CDH13: variants seen among roughly 807,000 people sequenced by gnomAD.
CDH13 encodes cadherin-13.
Under a neutral mutation model 63.8 loss-of-function variants are expected in CDH13, and 24 were observed. That is an observed-to-expected ratio of 0.38 (90% confidence interval 0.27 to 0.53). The LOEUF is 0.53. Ranked by LOEUF, CDH13 falls within the 20% of genes least tolerant of loss-of-function variation. The pLI is 0.85. For missense variants in CDH13, 1,049 were observed against 903.1 expected, an observed-to-expected ratio of 1.16 and a Z score of -2.07; for synonymous variants, 503 against 355.3, an observed-to-expected ratio of 1.42 and a Z score of -4.67.
chr16:82,641,708 G>A (rs1187404969), intron 1 of CDH13, among the ~76,000 whole-genome samples: 1 of 152,198 alleles, frequency 6.6e-6, no homozygotes. Flanking sequence ...CCTCATTCAC[G>A]CATTCAGTCA....
chr16:83,012,055 C>T (rs1265566203), intron 2 of CDH13, among the ~76,000 whole-genome samples: 1 of 152,092 alleles, frequency 6.6e-6, no homozygotes, highest in East Asian at 1.9e-4. Context: ...GTCTGTGTTA[C>T]CCAGGACCAT....
intron 5 of CDH13, among the ~76,000 whole-genome samples, chr16:83,306,979 A>G (rs2089895696): frequency 6.6e-6 from 1 of 152,206 alleles, no homozygotes; most frequent in Non-Finnish European, 1.5e-5. Flanking sequence ...GAGCCTCTAG[A>G]TAGTAATGCA....
At chr16:83,577,859 A>G (rs932066951) in intron 7 of CDH13, among the ~76,000 whole-genome samples, 18 of 152,254 alleles carry the variant, frequency 1.2e-4, no homozygotes, top group African/African-American at 4.1e-4. Flanking sequence ...TGAACATTGC[A>G]TAACTACATC....
At chr16:83,596,662 C>A (rs1320292968) in intron 7 of CDH13, among the ~76,000 whole-genome samples, 1 of 152,050 alleles carries the variant, frequency 6.6e-6, no homozygotes, top group African/African-American at 2.4e-5. Context: ...TAGGGGGTGA[C>A]TTTCTGGAAA....
At chr16:82,838,692 G>C (rs1210514546) in intron 1 of CDH13, among the ~76,000 whole-genome samples, 1 of 152,168 alleles carries the variant, frequency 6.6e-6, no homozygotes, top group East Asian at 1.9e-4. Flanking sequence ...TATACTCAAA[G>C]TCATTGTGGG....
At chr16:83,018,817 A>G (rs189743329) in intron 2 of CDH13, among the ~76,000 whole-genome samples, 46 of 152,368 alleles carry the variant, frequency 3.0e-4, no homozygotes, top group Middle Eastern at 3.4e-3. Context: ...CAATTGTAAC[A>G]CAATGGCAAG....
intron 5 of CDH13, among the ~76,000 whole-genome samples, chr16:83,322,386 T>C (rs1478235843): frequency 6.6e-6 from 1 of 152,186 alleles, no homozygotes; most frequent in East Asian, 1.9e-4. Context: ...ATTACTGTGG[T>C]CTTATTTCTC....
intron 4 of CDH13, among the ~76,000 whole-genome samples, chr16:83,215,073 C>CTTTTTTTTT (rs571565652): frequency 0.13 from 7,250 of 56,188 alleles, 2,474 homozygotes; most frequent in East Asian, 0.26. Context: ...TCAAACACCT[C>CTTTTTTTTT]TTTTTTTTTT....
chr16:83,076,717 C>T (rs978371245), intron 3 of CDH13, among the ~76,000 whole-genome samples: 4 of 152,068 alleles, frequency 2.6e-5, no homozygotes, highest in African/African-American at 9.7e-5. Context: ...AGATATGTAA[C>T]ACTCCACCCC....
intron 4 of CDH13, chr16:83,181,129 T>C: frequency 2.1e-6 from 2 of 948,186 alleles, no homozygotes; most frequent in Non-Finnish European, 3.0e-6. Context: ...GGGATAGAAA[T>C]GTGTAGACAG....
intron 8 of CDH13, among the ~76,000 whole-genome samples, chr16:83,630,068 G>C (rs902983727): frequency 6.6e-6 from 1 of 152,154 alleles, no homozygotes; most frequent in African/African-American, 2.4e-5. Context: ...GATTCATCTC[G>C]GGTTGGCAAA....
At chr16:83,262,928 A>C (rs570802060) in intron 5 of CDH13, among the ~76,000 whole-genome samples, 14 of 152,348 alleles carry the variant, frequency 9.2e-5, no homozygotes, top group Admixed American at 9.1e-4. Context: ...TTATATTTCA[A>C]ACCAACCAGC....
At chr16:83,208,352 G>A (rs928488698) in intron 4 of CDH13, among the ~76,000 whole-genome samples, 1 of 152,160 alleles carries the variant, frequency 6.6e-6, no homozygotes. Flanking sequence ...CAATTTCAAA[G>A]GCATGGCAAG....
Position 83,210,742 on chromosome 16 carries a change from G to A in CDH13, c.484-6603G>A, listed in dbSNP as rs114069172. 3.2e-3 allele frequency among the ~76,000 whole-genome samples: 485 copies of A among 151,878 alleles called. 3 individuals carry two copies. Among genetic ancestry groups the A allele is most frequent in the African/African-American group, 0.011 (467 of 41,460 alleles). On this transcript the variant is annotated intron_variant, in intron 4 of 13. Coordinates refer to ENST00000567109, the MANE Select transcript of CDH13 (RefSeq NM_001257.5). ...AAGGAAAAAAGAGTAACCGATTAAA[G>A]TGCAATTCAAGAAAGTGAGAACCTA...
intron 6 of CDH13, among the ~76,000 whole-genome samples, chr16:83,461,751 C>G (rs2073187010): frequency 6.6e-6 from 1 of 152,138 alleles, no homozygotes. Flanking sequence ...AGGGTGGTAA[C>G]TAGCAATGTA....
At chr16:83,702,491 C>G (rs2150910198) in intron 10 of CDH13, among the ~76,000 whole-genome samples, 1 of 152,206 alleles carries the variant, frequency 6.6e-6, no homozygotes. Context: ...GAGGGTCTTG[C>G]AGGGGGTTTG....
chr16:83,218,916 C>T (rs2039616653), intron 5 of CDH13, among the ~76,000 whole-genome samples: 2 of 152,156 alleles, frequency 1.3e-5, no homozygotes, highest in Non-Finnish European at 2.9e-5. Context: ...TTCCCCTGCA[C>T]ATGCTTTCTT....
intron 8 of CDH13, among the ~76,000 whole-genome samples, chr16:83,646,054 T>G (rs979947008): frequency 6.6e-6 from 1 of 152,182 alleles, no homozygotes; most frequent in African/African-American, 2.4e-5. Context: ...CTGTATGGGT[T>G]GGAGCAGTGT....
intron 6 of CDH13, among the ~76,000 whole-genome samples, chr16:83,393,611 G>A (rs191757805): frequency 1.6e-4 from 25 of 152,228 alleles, no homozygotes; most frequent in Admixed American, 1.6e-3. Context: ...TGCAATTATG[G>A]CTCTACTGAA....
Sources: allele counts gnomAD v4.1 joint callset (sites outside exome capture counted in the v4.1 genomes callset), GRCh38; gene constraint gnomAD v4.1.1; transcripts MANE v1.5; gene names NCBI Gene and HGNC (gene_info 2026-07-23, HGNC 2026-07-21).